Variants in CHN2 observed in about 807,000 individuals in gnomAD.
The protein encoded by CHN2 is beta-chimaerin.
CHN2 carries 35 observed loss-of-function variants against 56.3 expected under a neutral mutation model. The ratio of observed to expected loss-of-function variants is 0.62; its 90% CI spans 0.47 to 0.82. CHN2 has a LOEUF of 0.82. Ranked by LOEUF, CHN2 falls within the 40% of genes least tolerant of loss-of-function variation. The pLI, the probability that CHN2 is intolerant of heterozygous loss-of-function variation, is 0.00. For missense variants in CHN2, 491 were observed against 580.5 expected (o/e 0.85, Z 1.58); for synonymous variants, 210 against 212.8 (o/e 0.99, Z 0.12).
chr7:29,269,616 A>G (rs766939926), intron 1 of CHN2, among the ~76,000 whole-genome samples: 5 of 152,214 alleles, frequency 3.3e-5, no homozygotes, highest in Non-Finnish European at 7.3e-5. Context: ...CAGTTTTTTG[A>G]GGAAACTTCA....
intron 4 of CHN2, chr7:29,396,579 C>T (rs1801763751): frequency 6.6e-6 from 1 of 152,302 alleles, no homozygotes; most frequent in Non-Finnish European, 1.5e-5. Flanking sequence ...CTCTGCGTGC[C>T]CTGTCCTGCT....
At chr7:29,271,655 A>G (rs1260612565) in intron 1 of CHN2, among the ~76,000 whole-genome samples, 1 of 152,236 alleles carries the variant, frequency 6.6e-6, no homozygotes, top group African/African-American at 2.4e-5. Context: ...CTTCTTGTGC[A>G]GAATCGATTC....
chr7:29,343,738 G>T (rs1020813396), intron 1 of CHN2, among the ~76,000 whole-genome samples: 2 of 151,906 alleles, frequency 1.3e-5, no homozygotes, highest in African/African-American at 4.8e-5. Context: ...GCTCCTCAGG[G>T]GCTCTGTCAA....
At chr7:29,241,567 A>T (rs1210343105) in intron 1 of CHN2, among the ~76,000 whole-genome samples, 2 of 152,152 alleles carry the variant, frequency 1.3e-5, no homozygotes, top group African/African-American at 4.8e-5. Context: ...GGAGCCTACC[A>T]GGCAGACCAT....
At position 29,512,597 on chromosome 7, in the gene CHN2, T is replaced by C. The variant is rs3750099; in HGVS notation, c.1269T>C (p.Asn423=). The change falls in exon 13 of 13, where the codon AAT becomes AAC. Residue 423 remains asparagine, a synonymous_variant. Transcript: ENST00000222792. ...VTMNEKDNFM[N]AENLGIVFGP... ...TGAATGAAAAAGACAATTTCATGAA[T>C]GCAGAAAATCTGGGGATCGTGTTTG... 88,259 of 1,613,070 alleles carry C rather than the reference T, an allele frequency of 0.055. 11,334 individuals carry two copies. Among genetic ancestry groups the C allele is most frequent in the African/African-American group, 0.43 (32,421 of 74,828 alleles).
chr7:29,195,324 C>T, intron 1 of CHN2: 1 of 307,394 alleles, frequency 3.3e-6, no homozygotes, highest in Non-Finnish European at 5.9e-6. Flanking sequence ...GCTGGCGGGG[C>T]GGAGAAGGTT....
chr7:29,230,363 CAG>C (rs1786575869), intron 1 of CHN2, among the ~76,000 whole-genome samples: 1 of 152,032 alleles, frequency 6.6e-6, no homozygotes, highest in African/African-American at 2.4e-5. Flanking sequence ...TTTTTTGAGA[CAG>C]AGTCTCGCTC....
intron 1 of CHN2, among the ~76,000 whole-genome samples, chr7:29,231,563 C>T (rs544407626): frequency 5.5e-4 from 84 of 152,254 alleles, no homozygotes; most frequent in Non-Finnish European, 1.0e-3. Context: ...AACATATTGT[C>T]CTCAGCAAAG....
intron 1 of CHN2, among the ~76,000 whole-genome samples, chr7:29,216,385 G>A (rs904908104): frequency 6.6e-6 from 1 of 152,178 alleles, no homozygotes; most frequent in African/African-American, 2.4e-5. Flanking sequence ...TGTATCAAGT[G>A]CTGTCTCTTC....
intron 1 of CHN2, among the ~76,000 whole-genome samples, chr7:29,320,443 T>G (rs1335540121): frequency 1.3e-5 from 2 of 152,220 alleles, no homozygotes; most frequent in East Asian, 3.9e-4. Flanking sequence ...GGTGGCTTTT[T>G]GATGGCCTCC....
intron 1 of CHN2, among the ~76,000 whole-genome samples, chr7:29,297,345 C>G (rs1169499365): frequency 2.6e-5 from 4 of 152,192 alleles, no homozygotes; most frequent in South Asian, 2.1e-4. Context: ...AGAAGTCCAT[C>G]TGACTGCAGT....
At chr7:29,474,159 G>A (rs1786394468) in intron 6 of CHN2, among the ~76,000 whole-genome samples, 1 of 152,148 alleles carries the variant, frequency 6.6e-6, no homozygotes, top group Non-Finnish European at 1.5e-5. Flanking sequence ...TGGCTCAGGA[G>A]CCTACTTCTC....
At chr7:29,190,890 T>C (rs1324978441), upstream of CHN2, among the ~76,000 whole-genome samples, 1 of 151,194 alleles carries the variant, frequency 6.6e-6, no homozygotes, top group Non-Finnish European at 1.5e-5. Context: ...CAAAGTATGG[T>C]AGACAATACA....
chr7:29,263,180 C>T (rs554466685), intron 1 of CHN2, among the ~76,000 whole-genome samples: 22 of 152,324 alleles, frequency 1.4e-4, no homozygotes, highest in Admixed American at 5.2e-4. Context: ...AGGCACGCGC[C>T]GCCACGCCTG....
At chr7:29,265,315 T>C (rs1790050407) in intron 1 of CHN2, among the ~76,000 whole-genome samples, 2 of 152,188 alleles carry the variant, frequency 1.3e-5, no homozygotes, top group African/African-American at 4.8e-5. Context: ...CTCTGATTAC[T>C]CATTGGATTT....
intron 3 of CHN2, among the ~76,000 whole-genome samples, chr7:29,379,562 A>G (rs1453444840): frequency 6.6e-6 from 1 of 152,260 alleles, no homozygotes; most frequent in Non-Finnish European, 1.5e-5. Flanking sequence ...GTAAAGCAAG[A>G]ATAGTAAAAA....
intron 7 of CHN2, among the ~76,000 whole-genome samples, chr7:29,493,305 C>T (rs931980184): frequency 9.2e-5 from 14 of 152,132 alleles, no homozygotes; most frequent in African/African-American, 1.4e-4. Flanking sequence ...TGTGCAAGTA[C>T]GCTCTATGAT....
At chr7:29,395,340 T>C (rs1313334529) in intron 4 of CHN2, among the ~76,000 whole-genome samples, 1 of 152,090 alleles carries the variant, frequency 6.6e-6, no homozygotes, top group African/African-American at 2.4e-5. Context: ...CTGAGCAACA[T>C]GGGAAGACCT....
intron 1 of CHN2, among the ~76,000 whole-genome samples, chr7:29,353,559 C>T (rs1798048775): frequency 6.6e-6 from 1 of 152,176 alleles, no homozygotes; most frequent in Middle Eastern, 3.4e-3. Flanking sequence ...GAGACTGAGG[C>T]AGGAGAATCA....
Sources: allele counts gnomAD v4.1 joint callset (sites outside exome capture counted in the v4.1 genomes callset), GRCh38; gene constraint gnomAD v4.1.1; transcripts MANE v1.5; gene names NCBI Gene and HGNC (gene_info 2026-07-23, HGNC 2026-07-21).